The following UGT1A8 variants were observed in gnomAD, a reference collection of about 807,000 sequenced individuals.
UGT1A8 encodes UDP glucuronosyltransferase family 1 member A8, also known as UDP-glucuronosyltransferase 1A8.
Under a neutral mutation model 45.3 loss-of-function variants are expected in UGT1A8, and 39 were observed. That is an observed-to-expected ratio of 0.86 (90% confidence interval 0.67 to 1.12). The LOEUF (loss-of-function observed/expected upper bound fraction) is 1.12. UGT1A8 is among the 50% of genes most tolerant of loss of function. The pLI is 0.00. For synonymous variants in UGT1A8, 275 were observed against 249.2 expected, an observed-to-expected ratio of 1.10 and a Z score of -0.97; for missense variants, 719 against 664.9, an observed-to-expected ratio of 1.08 and a Z score of -0.90.
At position 233,672,424 on chromosome 2, in the gene UGT1A8, C is replaced by T. The variant is rs771467947; in HGVS notation, c.855+53862C>T. Reference sequence around the variant, plus strand: ...AATTGTTGCCAAATATTTCTCCCTCCCCTCCGTGGTCTTCGCCAGGGGAAT... The same window carrying T: ...AATTGTTGCCAAATATTTCTCCCTCTCCTCCGTGGTCTTCGCCAGGGGAAT... On this transcript the variant is annotated intron_variant, in intron 1 of 4. Coordinates refer to ENST00000373450, the MANE Select transcript of UGT1A8 (RefSeq NM_019076.5). 6 of 1,613,898 alleles carry T rather than the reference C, an allele frequency of 3.7e-6. No individual in the cohort carries two copies. The South Asian group carries it at 5.5e-5, about 15-fold the overall frequency.
At chr2:233,697,028 C>T (rs2075370702) in intron 1 of UGT1A8, among the ~76,000 whole-genome samples, 2 of 151,876 alleles carry the variant, frequency 1.3e-5, no homozygotes, top group Non-Finnish European at 2.9e-5. Context: ...GATATGGGCC[C>T]GCAGTTTTCT....
Position 233,709,056 on chromosome 2 carries a change from CTAGT to C in UGT1A8, c.856-57975_856-57972del, listed in dbSNP as rs375017824. On this transcript the variant is annotated intron_variant, in intron 1 of 4. Transcript: ENST00000373450. ...AGCCTGAGTTCTTTTCCCAGGATTC[CTAGT>C]TAAAGTTCTTCTGCCTCATTGGCTC... Among the ~76,000 whole-genome samples, 333 of 152,198 alleles carry C rather than the reference CTAGT, an allele frequency of 2.2e-3. 1 individual carries two copies. Among genetic ancestry groups the C allele is most frequent in the African/African-American group, 7.5e-3 (310 of 41,542 alleles).
At chr2:233,682,789 T>C (rs2074599718) in intron 1 of UGT1A8, 1 of 1,611,570 alleles carries the variant, frequency 6.2e-7, no homozygotes, top group Non-Finnish European at 8.5e-7. Context: ...AGCCAGTGCC[T>C]ATGGTAAGTT....
At chr2:233,626,633 T>C (rs1262729741) in intron 1 of UGT1A8, among the ~76,000 whole-genome samples, 1 of 152,076 alleles carries the variant, frequency 6.6e-6, no homozygotes, top group Admixed American at 6.6e-5. Flanking sequence ...AATGGCATCT[T>C]CAATGGTGTA....
chr2:233,761,127 C>A lies in UGT1A8; in HGVS notation c.856-5907C>A, dbSNP rs281865418. 1.2e-6 allele frequency: 2 copies of A among 1,614,174 alleles called. No individual in the cohort carries two copies. Among genetic ancestry groups the A allele is most frequent in the South Asian group, 1.1e-5 (1 of 91,074 alleles). On this transcript the variant is annotated intron_variant, in intron 1 of 4. Transcript: ENST00000373450. ...TGGTTTTTGTTGGTGGAATCAACTGCCTTCACCAAAATCCACTATCCCAGG... is the reference window on the plus strand; with the variant it reads ...TGGTTTTTGTTGGTGGAATCAACTGACTTCACCAAAATCCACTATCCCAGG...
At chr2:233,716,018 G>C (rs2076483229) in intron 1 of UGT1A8, among the ~76,000 whole-genome samples, 1 of 152,128 alleles carries the variant, frequency 6.6e-6, no homozygotes, top group Non-Finnish European at 1.5e-5. Flanking sequence ...TAATCTGATA[G>C]TTTCTTTTGA....
chr2:233,764,644 T>C (rs1207415683), intron 1 of UGT1A8, among the ~76,000 whole-genome samples: 1 of 151,998 alleles, frequency 6.6e-6, no homozygotes, highest in African/African-American at 2.4e-5. Context: ...CTAGGAAATT[T>C]AAGTAAGCCA....
At chr2:233,631,852 T>C (rs934192069) in intron 1 of UGT1A8, among the ~76,000 whole-genome samples, 4 of 152,226 alleles carry the variant, frequency 2.6e-5, no homozygotes, top group African/African-American at 9.7e-5. Context: ...ATCCCATTTC[T>C]CAATTTTGGC....
intron 1 of UGT1A8, chr2:233,672,024 A>G: frequency 6.2e-7 from 1 of 1,614,170 alleles, no homozygotes; most frequent in Non-Finnish European, 8.5e-7. Context: ...AGCTACTGGT[A>G]GTGCCCATGG....
At chr2:233,743,851 C>G in intron 1 of UGT1A8, 1 of 1,367,244 alleles carries the variant, frequency 7.3e-7, no homozygotes, top group Non-Finnish European at 9.8e-7. Context: ...GCTTGCGGTA[C>G]GCCTTCTTGA....
chr2:233,767,739 GT>G, intron 2 of UGT1A8, 109 bp from the exon 3 acceptor site: 1 of 1,578,058 alleles, frequency 6.3e-7, no homozygotes, highest in Non-Finnish European at 8.6e-7. Flanking sequence ...CTCCCACTCT[GT>G]TAAAGACTGT....
In UGT1A8 at chr2:233,769,743, C is replaced by T. The variant is rs1376344823; in HGVS notation, c.1295+1304C>T. Reference sequence around the variant, plus strand: ...CATGGCACACGCCTGTAGTCCCAGCCACTCTGGAGGCTAAGGCGGGAGGAT... The same window carrying T: ...CATGGCACACGCCTGTAGTCCCAGCTACTCTGGAGGCTAAGGCGGGAGGAT... On this transcript the variant is annotated intron_variant, in intron 4 of 4. Coordinates refer to ENST00000373450, the MANE Select transcript of UGT1A8 (RefSeq NM_019076.5). The surrounding 1 kb of genome is among the most constrained non-coding windows in gnomAD (Gnocchi z 4.4). The T allele has an allele frequency of 1.2e-5, 17 of 1,445,490 alleles. No homozygotes were observed. The East Asian group carries it at 4.3e-4, about 36-fold the overall frequency. 89.5% of individuals were successfully genotyped at this position (1,445,490 alleles called of 1,614,324 possible).
rs1312347845 is a variant in UGT1A8, at chr2:233,618,283, A to T, written c.576A>T (p.Arg192Ser). ...QCPAPLSYVP[R>S]ILLGFSDAMT... ...CTGCTCCTCTTTCCTATGTCCCCAG[A>T]ATTCTCTTAGGGTTCTCAGATGCCA... Residue 192 changes from arginine to serine, a missense_variant, in exon 1 of 5, where the codon AGA (arginine) becomes AGT (serine). Transcript: ENST00000373450. 8 of 1,613,780 alleles carry T rather than the reference A, an allele frequency of 5.0e-6. No homozygotes were observed. In the Admixed American group the frequency reaches 1.3e-4, roughly 27 times the overall value.
rs62191899 is a variant in UGT1A8 at position 233,718,862 on chromosome 2, A to G, written c.856-48172A>G. On this transcript the variant is annotated intron_variant, in intron 1 of 4. Coordinates refer to ENST00000373450, the MANE Select transcript of UGT1A8 (RefSeq NM_019076.5). ...AGGTTCCCCTGCCGCGGCTGGCCACAGGACTGCTGCTCCTCCTCAGTGTCC... is the reference window on the plus strand; with the variant it reads ...AGGTTCCCCTGCCGCGGCTGGCCACGGGACTGCTGCTCCTCCTCAGTGTCC... 3,156 of 1,613,830 alleles carry G rather than the reference A, an allele frequency of 2.0e-3. 12 individuals carry two copies. The highest frequency in any genetic ancestry group is 2.2e-3 in the Non-Finnish European group (2,611 of 1,179,922).
intron 1 of UGT1A8, among the ~76,000 whole-genome samples, chr2:233,716,889 C>A (rs991395363): frequency 6.6e-6 from 1 of 152,030 alleles, no homozygotes; most frequent in Non-Finnish European, 1.5e-5. Flanking sequence ...CAGCCCAGAC[C>A]CCTCCTCATC....
At chr2:233,748,126 T>C (rs1272435639) in intron 1 of UGT1A8, 15 of 1,610,568 alleles carry the variant, frequency 9.3e-6, no homozygotes, top group Non-Finnish European at 1.3e-5. Flanking sequence ...GCAAAACAGT[T>C]TTTAAAAATT....
chr2:233,704,482 A>G (rs2075791499), intron 1 of UGT1A8, among the ~76,000 whole-genome samples: 1 of 152,052 alleles, frequency 6.6e-6, no homozygotes, highest in South Asian at 2.1e-4. Flanking sequence ...TCCCCTTTTT[A>G]TGATATTATT....
At chr2:233,707,033 G>A (rs1432396998) in intron 1 of UGT1A8, among the ~76,000 whole-genome samples, 1 of 152,110 alleles carries the variant, frequency 6.6e-6, no homozygotes, top group Admixed American at 6.5e-5. Context: ...CAGCCCCCAA[G>A]GTAGAGGAAG....
intron 1 of UGT1A8, chr2:233,637,483 A>G: frequency 6.7e-7 from 1 of 1,497,570 alleles, no homozygotes. Context: ...TGCATTTCAA[A>G]TTTCTTTCCA....
Sources: gnomAD v4.1 joint callset for allele counts (sites outside exome capture counted in the v4.1 genomes callset) on GRCh38, gnomAD v4.1.1 for gene constraint, Gnocchi (gnomAD v3.1) non-coding constraint, MANE v1.5 for transcripts, NCBI Gene and HGNC (gene_info 2026-07-23, HGNC 2026-07-21) for gene names.